Variants in SCFD2 observed in about 807,000 individuals in gnomAD.
The protein encoded by SCFD2 is sec1 family domain containing 2.
A neutral mutation model predicts 58.9 loss-of-function variants in SCFD2; 54 were observed. The observed-to-expected ratio is 0.92, with a 90% CI of 0.74 to 1.15. SCFD2 has a LOEUF of 1.15. Among genes scored for constraint, SCFD2 ranks in the 50% most tolerant of loss-of-function variants. The pLI is 0.00. For synonymous variants in SCFD2, 321 were observed against 335.9 expected (o/e 0.96, Z 0.49); for missense variants, 805 against 836.6 (o/e 0.96, Z 0.47).
intron 2 of SCFD2, among the ~76,000 whole-genome samples, chr4:53,342,024 C>T (rs1455391526): frequency 1.3e-5 from 2 of 152,054 alleles, no homozygotes; most frequent in African/African-American, 2.4e-5. Context: ...CAAAGACCAT[C>T]GACACTATGA....
At position 53,273,890 on chromosome 4, in the gene SCFD2, G is replaced by T. The variant is rs147079371; in HGVS notation, c.1247C>A (p.Thr416Lys). The change falls in exon 4 of 9, where the codon ACG (threonine) becomes AAG (lysine). Residue 416 changes from threonine to lysine, a missense_variant. Around this residue, in one of 3 missense-constraint regions of SCFD2, gnomAD observed 633 missense variants for 646.8 expected, o/e 0.98. Transcript: ENST00000401642. ...CTTGGCAGTCTGTGGGTGTTTCAAC[G>T]TTTGAGCTGTGGCCAGTCCAAGCTG... ...LLQLGLATAQ[T>K]LKHPQTAKWD... is the part of the protein sequence containing the mutation. 6.2e-7 allele frequency: 1 copy of T among 1,613,896 alleles called. No homozygotes were observed. The highest frequency in any genetic ancestry group is 8.5e-7 in the Non-Finnish European group (1 of 1,179,888).
chr4:53,258,538 G>GTGTATA (rs1360142906), intron 4 of SCFD2, among the ~76,000 whole-genome samples: 9 of 119,938 alleles, frequency 7.5e-5, no homozygotes, highest in South Asian at 2.8e-4. Context: ...TGGTGTGTGT[G>GTGTATA]TATATATATA....
At chr4:52,957,851 G>A (rs555694236) in intron 5 of SCFD2, 1 of 152,326 alleles carries the variant, frequency 6.6e-6, no homozygotes, top group East Asian at 1.9e-4. Flanking sequence ...TCAGACCGAG[G>A]TTATACTTAC....
In SCFD2 at chr4:53,149,453, A is replaced by G. The variant is rs534630581; in HGVS notation, c.1312-3871T>C. On this transcript the variant is annotated intron_variant, in intron 4 of 8. Coordinates refer to ENST00000401642, the MANE Select transcript of SCFD2 (RefSeq NM_152540.4). ...ATACAATAAATATATGTCAGTCCAT[A>G]TTGATATAAATGAGTGGTTGGATTA... is the stretch of plus-strand genomic sequence containing the variant. 9.8e-5 allele frequency among the ~76,000 whole-genome samples: 15 copies of G among 152,352 alleles called. No homozygotes were observed. In the South Asian group the frequency reaches 2.7e-3, roughly 27 times the overall value.
At chr4:53,011,255 T>A (rs1459208639) in intron 5 of SCFD2, among the ~76,000 whole-genome samples, 3 of 152,134 alleles carry the variant, frequency 2.0e-5, no homozygotes. Flanking sequence ...ATCTTTGCTT[T>A]TTTTTCCCCC....
intron 4 of SCFD2, among the ~76,000 whole-genome samples, chr4:53,154,052 T>G (rs1201458787): frequency 6.6e-6 from 1 of 152,192 alleles, no homozygotes; most frequent in Non-Finnish European, 1.5e-5. Context: ...CATCTTCCTT[T>G]TTTCTTCTGA....
At chr4:53,341,527 G>T in intron 2 of SCFD2, among the ~76,000 whole-genome samples, 1 of 152,156 alleles carries the variant, frequency 6.6e-6, no homozygotes, top group East Asian at 1.9e-4. Context: ...AGTTGGAAAA[G>T]ACTCTGCAGG....
intron 5 of SCFD2, among the ~76,000 whole-genome samples, chr4:52,984,781 A>G (rs1451108977): frequency 6.6e-6 from 1 of 152,218 alleles, no homozygotes; most frequent in East Asian, 1.9e-4. Flanking sequence ...GGTTCCAAGT[A>G]TTTAATTTTG....
At chr4:52,885,888 A>G in intron 7 of SCFD2, 22 bp from the exon 8 acceptor site, 1 of 1,613,390 alleles carries the variant, frequency 6.2e-7, no homozygotes, top group Middle Eastern at 1.7e-4. Flanking sequence ...AACACCAGCA[A>G]TATCAGATGG....
chr4:53,278,270 G>A (rs1247624188), intron 3 of SCFD2, among the ~76,000 whole-genome samples: 1 of 151,822 alleles, frequency 6.6e-6, no homozygotes, highest in African/African-American at 2.4e-5. Context: ...AGGAGCTGAG[G>A]CAGGAGAATC....
intron 5 of SCFD2, among the ~76,000 whole-genome samples, chr4:53,041,201 A>G (rs1379291186): frequency 6.6e-6 from 1 of 152,166 alleles, no homozygotes; most frequent in African/African-American, 2.4e-5. Context: ...GGGATCCCCA[A>G]TGGCAGACGT....
intron 5 of SCFD2, chr4:52,957,732 T>C (rs1166119857): frequency 6.6e-6 from 1 of 152,214 alleles, no homozygotes; most frequent in Non-Finnish European, 1.5e-5. Context: ...ATTAAACCCT[T>C]GTTTGATTTT....
chr4:53,080,350 G>A (rs1177026756), intron 5 of SCFD2, among the ~76,000 whole-genome samples: 1 of 152,070 alleles, frequency 6.6e-6, no homozygotes, highest in Non-Finnish European at 1.5e-5. Flanking sequence ...GAGATGCTTG[G>A]GCAAAACTTT....
chr4:52,901,238 G>T (rs192489365), intron 7 of SCFD2, among the ~76,000 whole-genome samples: 1 of 152,158 alleles, frequency 6.6e-6, no homozygotes, highest in Non-Finnish European at 1.5e-5. Context: ...CATCACTCAC[G>T]CTGGGAGCTG....
chr4:53,276,313 G>A (rs1474085125), intron 3 of SCFD2, among the ~76,000 whole-genome samples: 1 of 151,890 alleles, frequency 6.6e-6, no homozygotes, highest in Non-Finnish European at 1.5e-5. Context: ...TTTTAGGTAC[G>A]TTAAAAAGTG....
At chr4:53,161,088 T>C (rs1726837633) in intron 4 of SCFD2, among the ~76,000 whole-genome samples, 1 of 152,146 alleles carries the variant, frequency 6.6e-6, no homozygotes, top group South Asian at 2.1e-4. Context: ...ACTATATCCA[T>C]GTAAAATACA....
intron 5 of SCFD2, among the ~76,000 whole-genome samples, chr4:52,981,697 C>T (rs1721378018): frequency 1.3e-5 from 2 of 151,908 alleles, no homozygotes; most frequent in Non-Finnish European, 1.5e-5. Context: ...AGGAAGGCCC[C>T]GAGTCAAAAA....
At chr4:53,056,860 C>G (rs1723354911) in intron 5 of SCFD2, among the ~76,000 whole-genome samples, 1 of 151,926 alleles carries the variant, frequency 6.6e-6, no homozygotes, top group African/African-American at 2.4e-5. Context: ...GAAGGAGATA[C>G]TGGGAAAAGG....
intron 4 of SCFD2, among the ~76,000 whole-genome samples, chr4:53,210,971 A>G (rs1362025965): frequency 1.3e-5 from 2 of 152,046 alleles, no homozygotes; most frequent in African/African-American, 4.8e-5. Context: ...CGGGCCAGGC[A>G]TGGTGGCTTA....
Sources: allele counts gnomAD v4.1 joint callset (sites outside exome capture counted in the v4.1 genomes callset), GRCh38; gene constraint gnomAD v4.1.1; regional missense constraint gnomAD v4.1.1; transcripts MANE v1.5; gene names NCBI Gene and HGNC (gene_info 2026-07-23, HGNC 2026-07-21).